Variants in FHIT observed in about 807,000 individuals in gnomAD.
The protein encoded by FHIT is bis(5'-adenosyl)-triphosphatase.
A neutral mutation model predicts 17.9 loss-of-function variants in FHIT; 19 were observed. The ratio of observed to expected loss-of-function variants is 1.06; its 90% CI spans 0.74 to 1.56. FHIT has a LOEUF of 1.56. FHIT is among the 40% of genes most tolerant of loss of function. The pLI is 0.00. For synonymous variants in FHIT, 81 were observed against 69.7 expected (o/e 1.16, Z -0.81); for missense variants, 248 against 189.2 (o/e 1.31, Z -1.82).
chr3:61,032,852 A>G (rs140304210), intron 3 of FHIT, among the ~76,000 whole-genome samples: 2 of 152,326 alleles, frequency 1.3e-5, no homozygotes, highest in African/African-American at 4.8e-5. Flanking sequence ...GCCATCTGCA[A>G]GCTGGAGGCC....
chr3:61,165,232 G>A lies in FHIT; in HGVS notation c.-164+35385C>T, dbSNP rs138207151. 8.1e-4 allele frequency among the ~76,000 whole-genome samples: 124 copies of A among 152,260 alleles called. 2 individuals are homozygous for A. The East Asian group carries it at 0.023, about 28-fold the overall frequency. On this transcript the variant is annotated intron_variant, in intron 2 of 9. Transcript: ENST00000492590. Reference sequence around the variant, plus strand: ...AATCTCCAAACTGCTTTCCACAGTGGCTGACCTAATTTACATTCTCGACAA... The same window carrying A: ...AATCTCCAAACTGCTTTCCACAGTGACTGACCTAATTTACATTCTCGACAA...
intron 4 of FHIT, among the ~76,000 whole-genome samples, chr3:60,805,407 G>A (rs971019561): frequency 6.6e-6 from 1 of 151,946 alleles, no homozygotes; most frequent in African/African-American, 2.4e-5. Context: ...CTGCCTTTTC[G>A]TTCACCATGT....
At chr3:61,048,528 T>C (rs2033901745) in intron 2 of FHIT, among the ~76,000 whole-genome samples, 2 of 152,196 alleles carry the variant, frequency 1.3e-5, no homozygotes, top group Admixed American at 1.3e-4. Context: ...ACACTGCTGG[T>C]GGGACTGTAA....
At chr3:60,045,678 G>A (rs1701624245) in intron 5 of FHIT, among the ~76,000 whole-genome samples, 2 of 152,218 alleles carry the variant, frequency 1.3e-5, no homozygotes, top group East Asian at 3.9e-4. Context: ...CCCCTCCAGG[G>A]AAGACATGTG....
At chr3:61,208,947 G>T (rs540067939) in intron 1 of FHIT, among the ~76,000 whole-genome samples, 19 of 152,100 alleles carry the variant, frequency 1.2e-4, no homozygotes, top group Admixed American at 3.9e-4. Context: ...TTTTGCAGTG[G>T]CTGGTACTGG....
chr3:60,644,333 C>T (rs566179456), intron 4 of FHIT, among the ~76,000 whole-genome samples: 61 of 152,174 alleles, frequency 4.0e-4, no homozygotes, highest in African/African-American at 1.4e-3. Flanking sequence ...AACAGTAATA[C>T]AAGCATGTTG....
At chr3:59,959,989 G>A (rs781362904) in intron 7 of FHIT, among the ~76,000 whole-genome samples, 5 of 152,166 alleles carry the variant, frequency 3.3e-5, no homozygotes, top group Non-Finnish European at 5.9e-5. Flanking sequence ...AAGGAGCTAT[G>A]AGCCAGAGCA....
intron 5 of FHIT, among the ~76,000 whole-genome samples, chr3:60,157,345 G>A (rs991391224): frequency 1.3e-5 from 2 of 152,178 alleles, no homozygotes; most frequent in African/African-American, 4.8e-5. Context: ...GAAAAGTCCA[G>A]TTGTTCTACC....
At chr3:59,761,886 G>A (rs532433767) in intron 8 of FHIT, among the ~76,000 whole-genome samples, 12 of 152,220 alleles carry the variant, frequency 7.9e-5, no homozygotes, top group South Asian at 4.2e-4. Flanking sequence ...GTGAGCCACC[G>A]CGCCCTACCA....
chr3:60,900,817 G>T (rs374432995), intron 3 of FHIT, among the ~76,000 whole-genome samples: 6 of 152,014 alleles, frequency 3.9e-5, no homozygotes, highest in African/African-American at 1.4e-4. Context: ...TCTCTCTGTC[G>T]CCCAGGCTGG....
At chr3:60,592,876 C>A (rs542252137) in intron 4 of FHIT, among the ~76,000 whole-genome samples, 1 of 152,180 alleles carries the variant, frequency 6.6e-6, no homozygotes, top group East Asian at 1.9e-4. Flanking sequence ...TCTCTTCTAG[C>A]CCCTCATCTA....
At chr3:60,370,779 G>A (rs542105756) in intron 5 of FHIT, among the ~76,000 whole-genome samples, 2 of 152,170 alleles carry the variant, frequency 1.3e-5, no homozygotes, top group East Asian at 3.9e-4. Flanking sequence ...CCTTCAAACT[G>A]GTCTCTTCCC....
intron 2 of FHIT, among the ~76,000 whole-genome samples, chr3:61,049,861 A>G (rs1345225458): frequency 1.3e-5 from 2 of 152,148 alleles, no homozygotes; most frequent in African/African-American, 2.4e-5. Flanking sequence ...GCAGGTCATA[A>G]GACCATTTTA....
intron 4 of FHIT, among the ~76,000 whole-genome samples, chr3:60,546,813 T>C (rs241676): frequency 0.95 from 144,597 of 152,220 alleles, 68,756 homozygotes; most frequent in East Asian, 1. Context: ...TAATGAAGTA[T>C]ACAAAGCATG....
At chr3:60,276,138 C>G (rs926217178) in intron 5 of FHIT, among the ~76,000 whole-genome samples, 8 of 151,900 alleles carry the variant, frequency 5.3e-5, no homozygotes, top group Non-Finnish European at 1.0e-4. Context: ...TAGATACCCG[C>G]CACCAGGCTG....
intron 2 of FHIT, among the ~76,000 whole-genome samples, chr3:61,196,855 A>G (rs2038865840): frequency 6.6e-6 from 1 of 152,182 alleles, no homozygotes; most frequent in South Asian, 2.1e-4. Flanking sequence ...TGCAGGGAAG[A>G]AAGTAGGGAA....
chr3:60,235,670 T>C lies in FHIT; in HGVS notation c.104-221518A>G, dbSNP rs114170227. Among the ~76,000 whole-genome samples the C allele has an allele frequency of 3.5e-3, 526 of 152,280 alleles. 1 individual carries two copies. Among genetic ancestry groups the C allele is most frequent in the African/African-American group, 0.012 (500 of 41,548 alleles). ...ACAGTCTACAGTTACATGATCTCAA[T>C]GGCAAGTGTGGTCCACTGTGATGTC... On this transcript the variant is annotated intron_variant, in intron 5 of 9. Coordinates refer to ENST00000492590, the MANE Select transcript of FHIT (RefSeq NM_002012.4).
At chr3:59,929,697 AGATT>A (rs1559740724) in intron 7 of FHIT, among the ~76,000 whole-genome samples, 1 of 152,178 alleles carries the variant, frequency 6.6e-6, no homozygotes. Context: ...TGTAACAATA[AGATT>A]GTTTCCATTT....
intron 5 of FHIT, among the ~76,000 whole-genome samples, chr3:60,323,047 G>A (rs2106813675): frequency 6.6e-6 from 1 of 152,200 alleles, no homozygotes; most frequent in East Asian, 1.9e-4. Context: ...TATGGAAGTA[G>A]AGCATTCTCC....
Sources: allele counts gnomAD v4.1 joint callset (sites outside exome capture counted in the v4.1 genomes callset), GRCh38; gene constraint gnomAD v4.1.1; transcripts MANE v1.5; gene names NCBI Gene and HGNC (gene_info 2026-07-23, HGNC 2026-07-21).